AKAP7: variants seen among roughly 807,000 people sequenced by gnomAD.
AKAP7 encodes the protein A-kinase anchoring protein 7, also known as A kinase (PRKA) anchor protein 7.
AKAP7 carries 39 observed loss-of-function variants against 39.5 expected under a neutral mutation model. The ratio of observed to expected loss-of-function variants is 0.99; its 90% CI spans 0.76 to 1.29. AKAP7 has a LOEUF of 1.29. AKAP7 is among the 50% of genes most tolerant of loss of function. The pLI is 0.00. For synonymous variants in AKAP7, 140 were observed against 139.1 expected (o/e 1.01, Z -0.05); for missense variants, 414 against 407.7 (o/e 1.02, Z -0.13).
At chr6:131,270,854 G>A (rs955886877) in intron 7 of AKAP7, among the ~76,000 whole-genome samples, 16 of 151,924 alleles carry the variant, frequency 1.1e-4, no homozygotes, top group Admixed American at 3.9e-4. Context: ...CATGTTTATC[G>A]ACCATCTGTA....
At chr6:131,235,039 A>G (rs1810926865) in intron 7 of AKAP7, among the ~76,000 whole-genome samples, 1 of 152,010 alleles carries the variant, frequency 6.6e-6, no homozygotes, top group Admixed American at 6.6e-5. Context: ...TATATCTCCT[A>G]ATGCTATCCC....
At chr6:131,207,133 C>T (rs1235875579) in intron 6 of AKAP7, among the ~76,000 whole-genome samples, 1 of 152,164 alleles carries the variant, frequency 6.6e-6, no homozygotes, top group East Asian at 1.9e-4. Context: ...AATTTGGCTT[C>T]ACACAGTTAT....
chr6:131,189,451 A>C (rs1212058223), intron 5 of AKAP7, among the ~76,000 whole-genome samples: 1 of 151,920 alleles, frequency 6.6e-6, no homozygotes, highest in Non-Finnish European at 1.5e-5. Context: ...AAGGGAGAAA[A>C]TAGCAAAAGC....
intron 5 of AKAP7, among the ~76,000 whole-genome samples, chr6:131,196,267 CT>C (rs199967369): frequency 2.0e-3 from 272 of 133,900 alleles, no homozygotes; most frequent in African/African-American, 5.5e-3. Flanking sequence ...ATGTCAGTTG[CT>C]TTTTTTTTTT....
rs576228085 is a variant in AKAP7 at position 131,278,591 on chromosome 6, A to T, written c.851-2939A>T. Among the ~76,000 whole-genome samples the T allele has an allele frequency of 2.0e-5, 3 of 152,310 alleles. No homozygotes were observed. In the East Asian group the frequency reaches 5.8e-4, roughly 29 times the overall value. ...GAAGCATGGCTGGGGAAGCCTCAGG[A>T]AACTTACAATCATGGCAGAAGGTGA... is the stretch of plus-strand genomic sequence containing the variant. On this transcript the variant is annotated intron_variant, in intron 7 of 7. Transcript: ENST00000431975.
rs181605035 is a variant in AKAP7, at chr6:131,213,728, G to A, written c.703-5933G>A. Among the ~76,000 whole-genome samples, 416 of 152,276 alleles carry A rather than the reference G, an allele frequency of 2.7e-3. 1 individual carries two copies. Among genetic ancestry groups the A allele is most frequent in the African/African-American group, 9.6e-3 (397 of 41,554 alleles). ...ACATGCAAGTATAACAAACAGTTAT[G>A]TGGCCAAACAGCATATGGTCTCTCC... On this transcript the variant is annotated intron_variant, in intron 6 of 7. Coordinates refer to ENST00000431975, the MANE Select transcript of AKAP7 (RefSeq NM_016377.4).
In AKAP7 at chr6:131,159,242, C is replaced by T. The variant is rs549364853; in HGVS notation, c.152-817C>T. ...CTGAGGAGCTGGGACTACAGGTGCCCGCCAGCACACCCAGCTAATTTTTTA... is the reference window on the plus strand; with the variant it reads ...CTGAGGAGCTGGGACTACAGGTGCCTGCCAGCACACCCAGCTAATTTTTTA... On this transcript the variant is annotated intron_variant, in intron 2 of 7. Coordinates refer to ENST00000431975, the MANE Select transcript of AKAP7 (RefSeq NM_016377.4). Among the ~76,000 whole-genome samples the T allele has an allele frequency of 8.9e-4, 136 of 152,120 alleles. 5 individuals are homozygous for T. In the South Asian group the frequency reaches 0.023, roughly 26 times the overall value.
At chr6:131,223,354 C>T (rs991774901) in intron 7 of AKAP7, among the ~76,000 whole-genome samples, 37 of 152,230 alleles carry the variant, frequency 2.4e-4, no homozygotes, top group Non-Finnish European at 2.4e-4. Flanking sequence ...TTAATACTGA[C>T]GTTTATTAAA....
chr6:131,270,195 C>G (rs2128334113), intron 7 of AKAP7, among the ~76,000 whole-genome samples: 1 of 152,324 alleles, frequency 6.6e-6, no homozygotes, highest in South Asian at 2.1e-4. Flanking sequence ...ACAGTTCCAT[C>G]ACTCTCCAAA....
intron 1 of AKAP7, among the ~76,000 whole-genome samples, chr6:131,137,167 C>T (rs1244270498): frequency 6.6e-6 from 1 of 151,778 alleles, no homozygotes; most frequent in African/African-American, 2.4e-5. Context: ...GGGGTCTTGC[C>T]ATGTCACCAA....
chr6:131,241,626 T>TATAC lies in AKAP7; in HGVS notation c.850+21818_850+21819insATAC, dbSNP rs1562238177. 5.7e-3 allele frequency among the ~76,000 whole-genome samples: 777 copies of TATAC among 135,698 alleles called. 34 individuals are homozygous for TATAC. The highest frequency in any genetic ancestry group is 0.013 in the South Asian group (57 of 4,330). The allele number at this position is 135,698 out of a possible 152,430, so 89.0% of individuals were successfully genotyped here. On this transcript the variant is annotated intron_variant, in intron 7 of 7. Transcript: ENST00000431975. ...GTGTGTGTGTGTGTGTGTGTGTGTG[T>TATAC]GTATATATATATGACAGTTATAGGA...
rs191807137 is a variant in AKAP7, at chr6:131,237,738, G to C, written c.850+17930G>C. 3.3e-5 allele frequency among the ~76,000 whole-genome samples: 5 copies of C among 152,118 alleles called. No individual in the cohort carries two copies. The East Asian group carries it at 9.6e-4, about 29-fold the overall frequency. On this transcript the variant is annotated intron_variant, in intron 7 of 7. Transcript: ENST00000431975. ...CTGATGGTAGTTTGTATTTCTGTGG[G>C]ATCAGCGGTGATATCCCCTTCATCA... is the stretch of plus-strand genomic sequence containing the variant.
At chr6:131,260,608 G>C (rs923207483) in intron 7 of AKAP7, among the ~76,000 whole-genome samples, 1 of 152,204 alleles carries the variant, frequency 6.6e-6, no homozygotes, top group East Asian at 1.9e-4. Context: ...CTTCTTTTGA[G>C]AAGTGTCTGT....
chr6:131,154,468 GT>G (rs58715551), intron 2 of AKAP7, among the ~76,000 whole-genome samples: 19,015 of 112,418 alleles, frequency 0.17, 1,376 homozygotes, highest in East Asian at 0.24. Context: ...CCCTGTCCCT[GT>G]TTTTTTTTTT....
At chr6:131,247,004 T>TA (rs1043701916) in intron 7 of AKAP7, among the ~76,000 whole-genome samples, 7 of 152,016 alleles carry the variant, frequency 4.6e-5, no homozygotes, top group Non-Finnish European at 1.0e-4. Flanking sequence ...TTGCTGAGCT[T>TA]ACGTTTTTCA....
chr6:131,221,272 G>A (rs1809670542), intron 7 of AKAP7, among the ~76,000 whole-genome samples: 2 of 152,204 alleles, frequency 1.3e-5, no homozygotes, highest in African/African-American at 2.4e-5. Context: ...CTGATCCAGT[G>A]CGAGGCCCCA....
At chr6:131,136,963 T>A in intron 1 of AKAP7, 1 of 659,024 alleles carries the variant, frequency 1.5e-6, no homozygotes, top group Non-Finnish European at 1.9e-6. Flanking sequence ...TATGTATATA[T>A]GTATATATGT....
chr6:131,202,045 T>C (rs1175592116), intron 6 of AKAP7, among the ~76,000 whole-genome samples: 1 of 151,860 alleles, frequency 6.6e-6, no homozygotes, highest in Non-Finnish European at 1.5e-5. Context: ...GAAATGCAAA[T>C]CAAAACCACA....
intron 5 of AKAP7, among the ~76,000 whole-genome samples, chr6:131,193,297 G>A (rs900744430): frequency 2.6e-5 from 4 of 152,058 alleles, no homozygotes; most frequent in African/African-American, 9.7e-5. Flanking sequence ...GATGTTGAAT[G>A]TTATCAGATG....
Sources: gnomAD v4.1 joint callset for allele counts (sites outside exome capture counted in the v4.1 genomes callset) on GRCh38, gnomAD v4.1.1 for gene constraint, MANE v1.5 for transcripts, NCBI Gene and HGNC (gene_info 2026-07-23, HGNC 2026-07-21) for gene names.